PHYHIPL: variants seen among roughly 807,000 people sequenced by gnomAD.
PHYHIPL encodes phytanoyl-CoA hydroxylase-interacting protein-like.
PHYHIPL carries 9 observed loss-of-function variants against 33.4 expected under a neutral mutation model. That is an observed-to-expected ratio of 0.27 (90% CI 0.16 to 0.47). PHYHIPL has a LOEUF of 0.47. Among genes scored for constraint, PHYHIPL ranks in the 20% least tolerant of loss-of-function variants. The pLI is 0.99. For missense variants in PHYHIPL, 365 were observed against 460.7 expected (o/e 0.79, Z 1.90); for synonymous variants, 153 against 154.1 (o/e 0.99, Z 0.05).
At chr10:59,227,377 G>A (rs72808505) in intron 1 of PHYHIPL, among the ~76,000 whole-genome samples, 29 of 152,126 alleles carry the variant, frequency 1.9e-4, no homozygotes, top group African/African-American at 6.3e-4. Flanking sequence ...AAACTAGTCC[G>A]CTTTCTGCTA....
intron 4 of PHYHIPL, 72 bp downstream of exon 4, chr10:59,238,777 G>C (rs762992683): frequency 7.6e-6 from 7 of 927,064 alleles, no homozygotes; most frequent in Non-Finnish European, 1.2e-5. Flanking sequence ...GGTTTCCCTT[G>C]ACTCTAGTTT....
chr10:59,219,672 G>A (rs1375095421), intron 1 of PHYHIPL, among the ~76,000 whole-genome samples: 3 of 151,998 alleles, frequency 2.0e-5, no homozygotes, highest in African/African-American at 7.2e-5. Context: ...ACATGAATTT[G>A]CTTGTAGATG....
intron 1 of PHYHIPL, among the ~76,000 whole-genome samples, chr10:59,232,787 T>C (rs992818723): frequency 2.0e-5 from 3 of 152,070 alleles, no homozygotes; most frequent in South Asian, 2.1e-4. Flanking sequence ...TTTTCGTTAC[T>C]ATTACTGATG....
At position 59,247,424 on chromosome 10, in the gene PHYHIPL, T is replaced by A. The variant is rs1168828564; in HGVS notation, c.*1833T>A. 1.1e-5 allele frequency: 7 copies of A among 631,944 alleles called. No individual in the cohort carries two copies. The highest frequency in any genetic ancestry group is 1.9e-5 in the Non-Finnish European group (7 of 377,252). 39.1% of individuals were successfully genotyped at this position (631,944 alleles called of 1,614,324 possible). ...TTCCCAATTATATGGCTACCTGTTG[T>A]ATTCTTCCCCCCGTTTAAATCCCTT... is the stretch of plus-strand genomic sequence containing the variant. On this transcript the variant is annotated 3_prime_UTR_variant, in exon 5 of 5. Transcript: ENST00000373880.
chr10:59,190,892 C>T (rs1226009655), intron 1 of PHYHIPL, among the ~76,000 whole-genome samples: 1 of 151,820 alleles, frequency 6.6e-6, no homozygotes, highest in Non-Finnish European at 1.5e-5. Flanking sequence ...TCCCCGACTT[C>T]AGTGTAAAGG....
At chr10:59,242,823 T>G (rs1359007573) in intron 4 of PHYHIPL, among the ~76,000 whole-genome samples, 2 of 152,002 alleles carry the variant, frequency 1.3e-5, no homozygotes, top group Admixed American at 6.6e-5. Flanking sequence ...AAAAAATCAG[T>G]AAACTTGAAG....
upstream of PHYHIPL, among the ~76,000 whole-genome samples, chr10:59,176,368 AG>A (rs978020257): frequency 1.3e-5 from 2 of 151,944 alleles, no homozygotes; most frequent in Non-Finnish European, 2.9e-5. Context: ...AGAGAGGGCG[AG>A]GCAGCCGCGC....
chr10:59,212,051 G>A (rs187061198), intron 1 of PHYHIPL, among the ~76,000 whole-genome samples: 133 of 152,218 alleles, frequency 8.7e-4, no homozygotes, highest in African/African-American at 3.1e-3. Flanking sequence ...GGATTAATGG[G>A]TTATTTTGGG....
chr10:59,183,445 A>G (rs1184106619), intron 1 of PHYHIPL, among the ~76,000 whole-genome samples: 1 of 152,174 alleles, frequency 6.6e-6, no homozygotes, highest in Non-Finnish European at 1.5e-5. Context: ...AATGGGGAGA[A>G]TTGCTCATAG....
intron 1 of PHYHIPL, among the ~76,000 whole-genome samples, chr10:59,208,119 C>G (rs1839341334): frequency 6.6e-6 from 1 of 152,174 alleles, no homozygotes; most frequent in Admixed American, 6.5e-5. Flanking sequence ...CCCCATGCCT[C>G]CTGACTGGGA....
intron 1 of PHYHIPL, chr10:59,206,689 G>A (rs746416645): frequency 1.5e-5 from 10 of 667,916 alleles, no homozygotes; most frequent in Admixed American, 4.4e-5. Flanking sequence ...TGGTACATAA[G>A]GGAGACAGAA....
rs1276726221 is a variant in PHYHIPL, at chr10:59,176,719, G to C, written c.-135G>C. 21 of 770,696 alleles carry C rather than the reference G, an allele frequency of 2.7e-5. No homozygotes were observed. Among genetic ancestry groups the C allele is most frequent in the Non-Finnish European group, 4.0e-5 (20 of 495,800 alleles). The allele number at this position is 770,696 out of a possible 1,614,324, so 47.7% of individuals were successfully genotyped here. A position where few individuals can be genotyped will look rare whatever the true frequency, so the allele number is the denominator to read the frequency against. On this transcript the variant is annotated 5_prime_UTR_variant, in exon 1 of 5. Transcript: ENST00000373880. ...CTCTCCAGCCCCGCGCCTCAGCCTC[G>C]GCGCCGCATCACCGCGTCCCAGGCC...
intron 4 of PHYHIPL, among the ~76,000 whole-genome samples, chr10:59,244,068 A>G (rs1840520971): frequency 6.6e-6 from 1 of 151,978 alleles, no homozygotes; most frequent in Non-Finnish European, 1.5e-5. Context: ...ACCTCCTCCT[A>G]CTCTATATAT....
rs761721076 is a variant in PHYHIPL, at chr10:59,245,622, T to G, written c.*31T>G. 1 of 1,546,022 alleles carries G rather than the reference T, an allele frequency of 6.5e-7. No homozygotes were observed. The highest frequency in any genetic ancestry group is 8.7e-7 in the Non-Finnish European group (1 of 1,149,504). On this transcript the variant is annotated 3_prime_UTR_variant, in exon 5 of 5. Transcript: ENST00000373880. ...ACTTTTCTTATTCTTACTCAGCCCCTTTTCCTCCCTTAGGAGCATTGGTCC... is the reference window on the plus strand; with the variant it reads ...ACTTTTCTTATTCTTACTCAGCCCCGTTTCCTCCCTTAGGAGCATTGGTCC...
intron 1 of PHYHIPL, among the ~76,000 whole-genome samples, chr10:59,224,507 C>CAAAAAACAA: frequency 6.6e-6 from 1 of 151,182 alleles, no homozygotes; most frequent in South Asian, 2.1e-4. Context: ...AAAAACAAAA[C>CAAAAAACAA]AAAAAACAAA....
intron 1 of PHYHIPL, among the ~76,000 whole-genome samples, chr10:59,180,317 TATATATATATA>T (rs2133176145): frequency 1.8e-4 from 1 of 5,412 alleles, no homozygotes; most frequent in African/African-American, 1.2e-3. Flanking sequence ...AGAAAAAGTA[TATATATATATA>T]TATATATATA....
At chr10:59,206,843 C>G (rs1395509121) in intron 1 of PHYHIPL, 2 of 1,148,038 alleles carry the variant, frequency 1.7e-6, no homozygotes, top group Non-Finnish European at 2.2e-6. Context: ...AAGTGATTAA[C>G]TGTAAGTGCA....
chr10:59,243,584 G>A (rs1041219823), intron 4 of PHYHIPL, among the ~76,000 whole-genome samples: 1 of 152,096 alleles, frequency 6.6e-6, no homozygotes, highest in Non-Finnish European at 1.5e-5. Flanking sequence ...TCCCTAGGTG[G>A]TTTTCAGGTG....
chr10:59,206,199 C>A (rs1839279993), intron 1 of PHYHIPL, among the ~76,000 whole-genome samples: 1 of 152,266 alleles, frequency 6.6e-6, no homozygotes, highest in Non-Finnish European at 1.5e-5. Flanking sequence ...TTTTGCCTTT[C>A]ATGGTTTCTC....
Sources: gnomAD v4.1 joint callset for allele counts (sites outside exome capture counted in the v4.1 genomes callset) on GRCh38, gnomAD v4.1.1 for gene constraint, MANE v1.5 for transcripts, NCBI Gene and HGNC (gene_info 2026-07-23, HGNC 2026-07-21) for gene names.